AGFG1: variants seen among roughly 807,000 people sequenced by gnomAD.
AGFG1 encodes the protein ArfGAP with FG repeats 1.
AGFG1 carries 10 observed loss-of-function variants against 60.6 expected under a neutral mutation model. The observed-to-expected ratio is 0.16, with a 90% CI of 0.10 to 0.28. The LOEUF (loss-of-function observed/expected upper bound fraction) is 0.28, where lower values mean the gene tolerates loss of function less well. AGFG1 is among the 10% of genes least tolerant of loss of function. The pLI, the probability that AGFG1 is intolerant of heterozygous loss-of-function variation, is 1.00. For synonymous variants in AGFG1, 247 were observed against 242.9 expected (o/e 1.02, Z -0.16); for missense variants, 537 against 676.5 (o/e 0.79, Z 2.29).
intron 8 of AGFG1, 54 bp from the exon 9 acceptor site, chr2:227,536,571 T>TA: frequency 6.7e-7 from 1 of 1,495,800 alleles, no homozygotes; most frequent in Non-Finnish European, 9.3e-7. Flanking sequence ...TGTAAATCGT[T>TA]ACTTTCTTTT....
chr2:227,538,039 TA>T (rs938054995), intron 10 of AGFG1, among the ~76,000 whole-genome samples: 8 of 152,192 alleles, frequency 5.3e-5, no homozygotes, highest in Non-Finnish European at 7.4e-5. Context: ...AATTTAACTT[TA>T]AAAAAAGTTT....
chr2:227,539,052 A>T (rs953374297), intron 10 of AGFG1, among the ~76,000 whole-genome samples: 1 of 152,240 alleles, frequency 6.6e-6, no homozygotes, highest in African/African-American at 2.4e-5. Context: ...AAGCTGAAAT[A>T]TAAACAATAC....
At chr2:227,544,347 G>T (rs1027385936) in intron 10 of AGFG1, among the ~76,000 whole-genome samples, 3 of 151,852 alleles carry the variant, frequency 2.0e-5, no homozygotes, top group African/African-American at 7.3e-5. Context: ...GTAGAGACGG[G>T]ATTTCACCTT....
intron 2 of AGFG1, among the ~76,000 whole-genome samples, chr2:227,513,394 A>G (rs955188022): frequency 1.3e-5 from 2 of 152,146 alleles, no homozygotes; most frequent in African/African-American, 4.8e-5. Context: ...GGTGGGGAAC[A>G]TTTTCAGCTG....
intron 2 of AGFG1, among the ~76,000 whole-genome samples, chr2:227,501,141 T>C (rs1691142127): frequency 6.6e-6 from 1 of 152,036 alleles, no homozygotes; most frequent in Non-Finnish European, 1.5e-5. Flanking sequence ...GCTGGAGTAG[T>C]GTGATCTTGG....
At chr2:227,553,257 G>A (rs996915729) in intron 11 of AGFG1, among the ~76,000 whole-genome samples, 1 of 152,120 alleles carries the variant, frequency 6.6e-6, no homozygotes, top group African/African-American at 2.4e-5. Flanking sequence ...CAGCCCTTTG[G>A]GAGGCCAAGA....
intron 1 of AGFG1, among the ~76,000 whole-genome samples, chr2:227,479,892 A>G (rs1321992726): frequency 1.3e-5 from 2 of 152,228 alleles, no homozygotes; most frequent in African/African-American, 4.8e-5. Context: ...TTCAGTGGGG[A>G]CAGGAAACTT....
intron 10 of AGFG1, among the ~76,000 whole-genome samples, chr2:227,538,162 A>C (rs569748034): frequency 1.3e-5 from 2 of 152,262 alleles, no homozygotes; most frequent in South Asian, 4.1e-4. Context: ...GATTTTGTGG[A>C]CTGAGTTTGT....
intron 1 of AGFG1, among the ~76,000 whole-genome samples, chr2:227,485,161 A>G (rs532207499): frequency 6.6e-6 from 1 of 151,808 alleles, no homozygotes; most frequent in African/African-American, 2.4e-5. Flanking sequence ...GAAGTCTACT[A>G]CGAGCCAAAT....
Position 227,523,805 on chromosome 2 carries a change from T to G in AGFG1, c.420T>G (p.His140Gln), listed in dbSNP as rs1243847795. The change falls in exon 4 of 13, where the codon CAT becomes CAG. Residue 140 changes from histidine to glutamine, a missense_variant. His to Gln is a conservative substitution (Grantham distance 24). Transcript: ENST00000310078. ...PEQAKVVASVHASISGSSASS... is the reference protein window; with the variant it reads ...PEQAKVVASVQASISGSSASS... ...AAGCCAAAGTCGTGGCATCAGTTCA[T>G]GCATCTATTTCAGGGTCCTCTGCCA... 6.2e-7 allele frequency: 1 copy of G among 1,614,040 alleles called. No individual in the cohort carries two copies.
chr2:227,524,681 G>A, intron 4 of AGFG1, 81 bp from the exon 5 acceptor site: 1 of 1,446,646 alleles, frequency 6.9e-7, no homozygotes. Context: ...GTATAAGTGT[G>A]TTTTAAGTTT....
Position 227,531,208 on chromosome 2 carries a change from C to G in AGFG1, c.812C>G (p.Thr271Arg), listed in dbSNP as rs776414767. The change falls in exon 6 of 13, where the codon ACA becomes AGA. Residue 271 changes from threonine to arginine, a missense_variant and splice_region_variant. Thr to Arg is a moderately conservative substitution (Grantham distance 71, BLOSUM62 -1). Coordinates refer to ENST00000310078, the MANE Select transcript of AGFG1 (RefSeq NM_004504.5). ...CACTCTCCTTTTCAGCCCCAAACTA[C>G]AGGTAGAGCTTCTCCAGCATTGTGC... ...ASHSPFQPQT[T>R]GGSAASVNAN... is the part of the protein sequence containing the mutation. The G allele has an allele frequency of 1.2e-6, 2 of 1,613,058 alleles. No homozygotes were observed. Among genetic ancestry groups the G allele is most frequent in the East Asian group, 4.5e-5 (2 of 44,850 alleles).
chr2:227,550,206 T>G (rs1012063370), intron 10 of AGFG1: 4 of 302,126 alleles, frequency 1.3e-5, no homozygotes, highest in African/African-American at 6.9e-5. Context: ...TGGAATTAAG[T>G]TTTTTTCCAT....
chr2:227,485,303 C>T (rs1690598258), intron 1 of AGFG1, among the ~76,000 whole-genome samples: 1 of 136,884 alleles, frequency 7.3e-6, no homozygotes, highest in Non-Finnish European at 1.5e-5. Context: ...ATGGCGTGAT[C>T]TTAGCTCACT....
chr2:227,540,481 T>C (rs1383545311), intron 10 of AGFG1, among the ~76,000 whole-genome samples: 1 of 152,222 alleles, frequency 6.6e-6, no homozygotes, highest in Non-Finnish European at 1.5e-5. Context: ...TTGCTCAGAA[T>C]GATGGTTTCC....
intron 10 of AGFG1, chr2:227,549,959 C>T (rs570732460): frequency 2.3e-5 from 9 of 387,204 alleles, no homozygotes; most frequent in South Asian, 1.8e-4. Context: ...CAACAGTACA[C>T]TCGAATTTTA....
At chr2:227,479,118 C>G (rs1690381375) in intron 1 of AGFG1, among the ~76,000 whole-genome samples, 1 of 152,158 alleles carries the variant, frequency 6.6e-6, no homozygotes, top group African/African-American at 2.4e-5. Context: ...TAGGCATTAA[C>G]TTTAGGTTTC....
At chr2:227,536,535 A>G in intron 8 of AGFG1, 90 bp from the exon 9 acceptor site, 1 of 1,020,070 alleles carries the variant, frequency 9.8e-7, no homozygotes, top group Non-Finnish European at 1.5e-6. Flanking sequence ...GTGATACACG[A>G]TATGTTCATT....
chr2:227,528,049 A>G (rs1157243426), intron 5 of AGFG1, among the ~76,000 whole-genome samples: 1 of 152,154 alleles, frequency 6.6e-6, no homozygotes, highest in African/African-American at 2.4e-5. Flanking sequence ...AATATGAAGT[A>G]TATTATACAT....
Sources: gnomAD v4.1 joint callset for allele counts (sites outside exome capture counted in the v4.1 genomes callset) on GRCh38, gnomAD v4.1.1 for gene constraint, MANE v1.5 for transcripts, NCBI Gene and HGNC (gene_info 2026-07-23, HGNC 2026-07-21) for gene names.